KDM4C: variants seen among roughly 807,000 people sequenced by gnomAD.
KDM4C encodes lysine-specific demethylase 4C.
A neutral mutation model predicts 129.3 loss-of-function variants in KDM4C; 81 were observed. The ratio of observed to expected loss-of-function variants is 0.63; its 90% CI spans 0.52 to 0.75. The LOEUF is 0.75. KDM4C is among the 30% of genes least tolerant of loss of function. The pLI, the probability that KDM4C is intolerant of heterozygous loss-of-function variation, is 0.00. For synonymous variants in KDM4C, 573 were observed against 456.1 expected (o/e 1.26, Z -3.26); for missense variants, 1,457 against 1,304.0 (o/e 1.12, Z -1.81).
In KDM4C at chr9:7,106,649, T is replaced by C. The variant is rs148486337; in HGVS notation, c.2610+2779T>C. The stretch of plus-strand genomic sequence containing the variant: ...AAATTCAACTATTCCATTAGTGTCA[T>C]AAATTATTATTTTGTAATTAATATA... On this transcript the variant is annotated intron_variant, in intron 18 of 21. Coordinates refer to ENST00000381309, the MANE Select transcript of KDM4C (RefSeq NM_015061.6). Among the ~76,000 whole-genome samples, 488 of 152,284 alleles carry C rather than the reference T, an allele frequency of 3.2e-3. 2 individuals are homozygous for C. The highest frequency in any genetic ancestry group is 0.011 in the African/African-American group (470 of 41,584).
At chr9:7,079,783 A>G (rs1834324586) in intron 17 of KDM4C, among the ~76,000 whole-genome samples, 1 of 152,200 alleles carries the variant, frequency 6.6e-6, no homozygotes, top group Non-Finnish European at 1.5e-5. Context: ...TTAAATGAAG[A>G]CTTTCCTAGA....
chr9:6,845,632 A>T (rs144958634), intron 4 of KDM4C, among the ~76,000 whole-genome samples: 1 of 152,286 alleles, frequency 6.6e-6, no homozygotes, highest in East Asian at 1.9e-4. Flanking sequence ...ATCGTGGTCC[A>T]ATTGTGAGTT....
chr9:7,168,967 C>G (rs1034577423), intron 20 of KDM4C, among the ~76,000 whole-genome samples: 2 of 151,174 alleles, frequency 1.3e-5, no homozygotes, highest in African/African-American at 4.9e-5. Context: ...ATTGCTTGAG[C>G]CTGGGAGGTT....
chr9:6,799,175 G>A (rs530630491), intron 2 of KDM4C, among the ~76,000 whole-genome samples: 48 of 152,326 alleles, frequency 3.2e-4, no homozygotes, highest in African/African-American at 1.1e-3. Context: ...CGGCCGGGCA[G>A]AGGCTGCAAT....
chr9:7,090,425 T>G lies in KDM4C; in HGVS notation c.2425-13260T>G, dbSNP rs1587577271. On this transcript the variant is annotated intron_variant, in intron 17 of 21. Transcript: ENST00000381309. ...GATGGGAGGTTTATTGGTAGAAAGA[T>G]TCAAGAAGCTATTTTGTGATAAAGG... is the stretch of plus-strand genomic sequence containing the variant. 2.6e-5 allele frequency among the ~76,000 whole-genome samples: 4 copies of G among 152,336 alleles called. No homozygotes were observed. In the East Asian group the frequency reaches 7.7e-4, roughly 29 times the overall value.
chr9:6,737,548 C>A (rs1817562744), intron 1 of KDM4C, among the ~76,000 whole-genome samples: 1 of 149,930 alleles, frequency 6.7e-6, no homozygotes, highest in Non-Finnish European at 1.5e-5. Context: ...CCTGTAATCC[C>A]AGTTACTTGG....
intron 1 of KDM4C, among the ~76,000 whole-genome samples, chr9:6,722,087 C>T (rs938242473): frequency 1.3e-5 from 2 of 152,154 alleles, no homozygotes; most frequent in Non-Finnish European, 2.9e-5. Context: ...GGAACTGTTC[C>T]GTGCTGGTTC....
intron 1 of KDM4C, among the ~76,000 whole-genome samples, chr9:6,781,820 AT>A (rs771374868): frequency 0.04 from 5,633 of 142,222 alleles, 183 homozygotes; most frequent in African/African-American, 0.097. Context: ...GTTATAAATA[AT>A]TTTTTTTTTT....
At chr9:7,064,742 C>A (rs951272194) in intron 17 of KDM4C, among the ~76,000 whole-genome samples, 3 of 152,118 alleles carry the variant, frequency 2.0e-5, no homozygotes, top group African/African-American at 7.2e-5. Flanking sequence ...TAGAATCTTA[C>A]TGCTCCTAGG....
At chr9:6,929,727 A>G (rs1246019586) in intron 8 of KDM4C, among the ~76,000 whole-genome samples, 1 of 151,726 alleles carries the variant, frequency 6.6e-6, no homozygotes, top group Non-Finnish European at 1.5e-5. Context: ...GGTGTATTTG[A>G]CCCCAACTTC....
chr9:6,880,783 C>T (rs150309902), intron 6 of KDM4C, among the ~76,000 whole-genome samples: 233 of 152,274 alleles, frequency 1.5e-3, no homozygotes, highest in African/African-American at 5.5e-3. Context: ...CAGCCACCTT[C>T]CTCCTTCCTC....
chr9:6,792,271 A>T (rs1344398074), intron 1 of KDM4C, among the ~76,000 whole-genome samples: 1 of 151,770 alleles, frequency 6.6e-6, no homozygotes, highest in East Asian at 2.0e-4. Flanking sequence ...TGAACCTGGG[A>T]GGTGGAGGTT....
chr9:7,094,037 GCTAT>G (rs1254888651), intron 17 of KDM4C, among the ~76,000 whole-genome samples: 2 of 152,192 alleles, frequency 1.3e-5, no homozygotes, highest in Non-Finnish European at 2.9e-5. Context: ...TCTTACGTAT[GCTAT>G]CTTTTTAAGG....
intron 8 of KDM4C, among the ~76,000 whole-genome samples, chr9:6,904,268 G>A (rs10815479): frequency 1 from 152,045 of 152,286 alleles, 75,902 homozygotes; most frequent in Non-Finnish European, 1. Flanking sequence ...CTGTATCTAT[G>A]TCTATCTATA....
At chr9:7,121,264 G>C (rs942163489) in intron 18 of KDM4C, among the ~76,000 whole-genome samples, 3 of 152,176 alleles carry the variant, frequency 2.0e-5, no homozygotes, top group Non-Finnish European at 4.4e-5. Flanking sequence ...CTGCAGAATA[G>C]CTTGTCTGAT....
rs149832977 is a variant in KDM4C, at chr9:7,174,633, G to C, written c.3075G>C (p.Val1025=). 345 of 1,614,148 alleles carry C rather than the reference G, an allele frequency of 2.1e-4. 2 individuals are homozygous for C. The African/African-American group carries it at 3.9e-3, about 18-fold the overall frequency. ...IIQGERKRQR[V]LSSRFKNEYV... Reference sequence around the variant, plus strand: ...AAGGGGAGAGAAAGAGACAAAGAGTGCTGAGCTCCAGGTTTAAGAATGAAT... The same window carrying C: ...AAGGGGAGAGAAAGAGACAAAGAGTCCTGAGCTCCAGGTTTAAGAATGAAT... The change falls in exon 22 of 22, where the codon GTG becomes GTC. Residue 1025 remains valine (V), a synonymous_variant. Coordinates refer to ENST00000381309, the MANE Select transcript of KDM4C (RefSeq NM_015061.6).
At chr9:7,060,861 G>A (rs113594026) in intron 17 of KDM4C, among the ~76,000 whole-genome samples, 2,718 of 152,134 alleles carry the variant, frequency 0.018, 46 homozygotes, top group African/African-American at 0.05. Flanking sequence ...GTTTAGAGAT[G>A]GTTTACATTG....
chr9:6,819,544 G>T (rs374201043), intron 4 of KDM4C, among the ~76,000 whole-genome samples: 1 of 152,166 alleles, frequency 6.6e-6, no homozygotes, highest in African/African-American at 2.4e-5. Context: ...CTCCTGAGTT[G>T]GACTGACATT....
At chr9:7,045,192 C>G (rs1231408668) in intron 15 of KDM4C, among the ~76,000 whole-genome samples, 1 of 151,964 alleles carries the variant, frequency 6.6e-6, no homozygotes, top group South Asian at 2.1e-4. Context: ...TAATCAGGTG[C>G]TTTTGAGCAG....
Sources: allele counts gnomAD v4.1 joint callset (sites outside exome capture counted in the v4.1 genomes callset), GRCh38; gene constraint gnomAD v4.1.1; transcripts MANE v1.5; gene names NCBI Gene and HGNC (gene_info 2026-07-23, HGNC 2026-07-21).